Variants in SHISAL1 observed in about 807,000 individuals in gnomAD.
SHISAL1 encodes protein shisa-like-1.
SHISAL1 carries 9 observed loss-of-function variants against 22.6 expected under a neutral mutation model. That is an observed-to-expected ratio of 0.40 (90% CI 0.24 to 0.70). The LOEUF is 0.70. SHISAL1 is among the 30% of genes least tolerant of loss of function. SHISAL1 has a pLI of 0.39. For synonymous variants in SHISAL1, 119 were observed against 115.4 expected, an observed-to-expected ratio of 1.03 and a Z score of -0.20; for missense variants, 246 against 270.6, an observed-to-expected ratio of 0.91 and a Z score of 0.64.
the SHISAL1 span, among the ~76,000 whole-genome samples, chr22:44,325,424 C>T: frequency 2.9e-4 from 44 of 152,282 alleles, no homozygotes; most frequent in East Asian, 3.9e-4. Flanking sequence ...TGGGCATCAC[C>T]GGGACCCAGG....
intron 3 of SHISAL1, among the ~76,000 whole-genome samples, chr22:44,295,857 G>T (rs79914302): frequency 1.3e-5 from 2 of 152,130 alleles, no homozygotes; most frequent in Admixed American, 6.5e-5. Flanking sequence ...TCTACTTAGC[G>T]TGTTCCCATT....
the SHISAL1 span, among the ~76,000 whole-genome samples, chr22:44,320,384 T>C: frequency 1.3e-5 from 2 of 152,108 alleles, no homozygotes; most frequent in Admixed American, 6.5e-5. Context: ...GCAGCAGGCA[T>C]TGGGGATAAG....
At chr22:44,264,019 C>T (rs568447205) in intron 4 of SHISAL1, among the ~76,000 whole-genome samples, 4 of 152,266 alleles carry the variant, frequency 2.6e-5, no homozygotes, top group South Asian at 2.1e-4. Context: ...TGATGACGGC[C>T]GGAAGGTGGA....
Position 44,245,221 on chromosome 22 carries a change from C to T in SHISAL1, c.*4464G>A, listed in dbSNP as rs946096445. 6.6e-6 allele frequency: 1 copy of T among 152,236 alleles called. No homozygotes were observed. The highest frequency in any genetic ancestry group is 2.1e-4 in the South Asian group (1 of 4,832). The allele number at this position is 152,236 out of a possible 1,614,324, so 9.4% of individuals were successfully genotyped here. A position where few individuals can be genotyped will look rare whatever the true frequency, so the allele number is the denominator to read the frequency against. ...AGATTTTCACAGCAGACGAAAACAA[C>T]CCACGTGGATGTCTCCCTACAGTGA... is the stretch of plus-strand genomic sequence containing the variant. On this transcript the variant is annotated 3_prime_UTR_variant, in exon 5 of 5. Coordinates refer to ENST00000381176, the MANE Select transcript of SHISAL1 (RefSeq NM_001099294.2).
chr22:44,253,525 T>C (rs1215389514), intron 4 of SHISAL1, among the ~76,000 whole-genome samples: 1 of 150,226 alleles, frequency 6.7e-6, no homozygotes, highest in African/African-American at 2.5e-5. Context: ...ATCTCTTGGG[T>C]TCAAGCGTTT....
chr22:44,308,593 G>C (rs2055495652), intron 1 of SHISAL1, among the ~76,000 whole-genome samples: 1 of 152,182 alleles, frequency 6.6e-6, no homozygotes. Context: ...CCCCAGGCGA[G>C]CTTCTGACAC....
At chr22:44,265,139 C>T (rs898640902) in intron 4 of SHISAL1, among the ~76,000 whole-genome samples, 1 of 152,194 alleles carries the variant, frequency 6.6e-6, no homozygotes, top group East Asian at 1.9e-4. Context: ...CCTAAGATGG[C>T]CTCCAAAGAA....
At chr22:44,262,639 G>C (rs562133835) in intron 4 of SHISAL1, among the ~76,000 whole-genome samples, 7 of 152,230 alleles carry the variant, frequency 4.6e-5, no homozygotes, top group Non-Finnish European at 8.8e-5. Context: ...CTGTGCTGCT[G>C]ACCGCAGGGC....
chr22:44,250,661 GACATGAATCCAGGGGGAAATGA>G (rs1212603642), intron 4 of SHISAL1, among the ~76,000 whole-genome samples: 1 of 152,196 alleles, frequency 6.6e-6, no homozygotes, highest in African/African-American at 2.4e-5. Context: ...TTGGGAAGGG[GACATGAATCCAGGGGGAAATGA>G]ACTATCTTGC....
At chr22:44,308,858 A>T (rs141333558) in intron 1 of SHISAL1, among the ~76,000 whole-genome samples, 1 of 152,294 alleles carries the variant, frequency 6.6e-6, no homozygotes, top group Non-Finnish European at 1.5e-5. Flanking sequence ...CAGGATGGAG[A>T]ACAAAGGACA....
At chr22:44,316,451 A>G (rs2055559218), upstream of SHISAL1, among the ~76,000 whole-genome samples, 1 of 152,266 alleles carries the variant, frequency 6.6e-6, no homozygotes, top group South Asian at 2.1e-4. Flanking sequence ...CCAGCTTTCC[A>G]GGGTGTTCTG....
chr22:44,292,833 C>T (rs147075163), intron 3 of SHISAL1, among the ~76,000 whole-genome samples: 14 of 152,358 alleles, frequency 9.2e-5, no homozygotes, highest in South Asian at 2.1e-4. Flanking sequence ...GCCCCTGACC[C>T]GAATTCTTGA....
chr22:44,329,864 A>G, the SHISAL1 span, among the ~76,000 whole-genome samples: 518 of 152,326 alleles, frequency 3.4e-3, 5 homozygotes, highest in African/African-American at 0.012. Context: ...CTTCTCACCG[A>G]AGCTGAAGCC....
chr22:44,319,377 C>A, the SHISAL1 span, among the ~76,000 whole-genome samples: 2 of 152,196 alleles, frequency 1.3e-5, no homozygotes, highest in Admixed American at 1.3e-4. Flanking sequence ...GTTTCCAAGT[C>A]AAAGTTCTTT....
intron 4 of SHISAL1, among the ~76,000 whole-genome samples, chr22:44,277,444 G>A (rs2055247389): frequency 1.0e-5 from 1 of 95,800 alleles, no homozygotes; most frequent in South Asian, 3.2e-4. Flanking sequence ...CAACTACTCT[G>A]CCTCCAAACA....
At chr22:44,296,991 C>G in intron 2 of SHISAL1, 106 bp from the exon 3 acceptor site, 1 of 850,978 alleles carries the variant, frequency 1.2e-6, no homozygotes. Context: ...TGCTTCTTCC[C>G]TCCCCTGGAT....
chr22:44,309,437 C>T (rs528775529), intron 1 of SHISAL1, among the ~76,000 whole-genome samples: 14 of 152,288 alleles, frequency 9.2e-5, no homozygotes, highest in East Asian at 7.7e-4. Flanking sequence ...GACGAGGAGA[C>T]GGGCTAGCAG....
rs571493658 is a variant in SHISAL1 at position 44,246,630 on chromosome 22, C to T, written c.*3055G>A. The T allele has an allele frequency of 1.3e-5, 2 of 152,468 alleles. No individual in the cohort carries two copies. Among genetic ancestry groups the T allele is most frequent in the Admixed American group, 1.3e-4 (2 of 15,292 alleles). 9.4% of individuals were successfully genotyped at this position (152,468 alleles called of 1,614,324 possible). ...GGGACCCATGGCATTTTGAGGAGCC[C>T]TTGACACCATTGGGGGATTGAATAC... On this transcript the variant is annotated 3_prime_UTR_variant, in exon 5 of 5. Transcript: ENST00000381176.
the SHISAL1 span, among the ~76,000 whole-genome samples, chr22:44,330,663 G>GTT: frequency 1.2e-4 from 17 of 146,258 alleles, no homozygotes; most frequent in Non-Finnish European, 1.9e-4. Context: ...TTTTCCCCCT[G>GTT]TTTTTTTTTC....
Sources: allele counts gnomAD v4.1 joint callset (sites outside exome capture counted in the v4.1 genomes callset), GRCh38; gene constraint gnomAD v4.1.1; transcripts MANE v1.5; gene names NCBI Gene and HGNC (gene_info 2026-07-23, HGNC 2026-07-21).